ABCC4: variants seen among roughly 807,000 people sequenced by gnomAD.
The protein encoded by ABCC4 is ATP-binding cassette sub-family C member 4.
Under a neutral mutation model 168.5 loss-of-function variants are expected in ABCC4, and 102 were observed. That is an observed-to-expected ratio of 0.61 (90% CI 0.52 to 0.71). The LOEUF (loss-of-function observed/expected upper bound fraction) is 0.71. Among genes scored for constraint, ABCC4 ranks in the 30% least tolerant of loss-of-function variants. ABCC4 has a pLI of 0.00. For missense variants in ABCC4, 1,402 were observed against 1,605.8 expected, an observed-to-expected ratio of 0.87 and a Z score of 2.17; for synonymous variants, 617 against 590.7, an observed-to-expected ratio of 1.04 and a Z score of -0.65.
chr13:95,284,630 G>T (rs2041214748), intron 1 of ABCC4, among the ~76,000 whole-genome samples: 1 of 152,168 alleles, frequency 6.6e-6, no homozygotes, highest in African/African-American at 2.4e-5. Context: ...CCCTGTGCTT[G>T]GCAAACAGCA....
chr13:95,115,905 A>C lies in ABCC4; in HGVS notation c.2535+17T>G. Reference sequence around the variant, plus strand: ...TCCGTTTTCCATTTGAGATCCTGACATTACTCTCAACGTTACCTGGATGAA... The same window carrying C: ...TCCGTTTTCCATTTGAGATCCTGACCTTACTCTCAACGTTACCTGGATGAA... On this transcript the variant is annotated intron_variant, in intron 20 of 30. Coordinates refer to ENST00000645237, the MANE Select transcript of ABCC4 (RefSeq NM_005845.5). The C allele has an allele frequency of 6.2e-7, 1 of 1,601,832 alleles. No homozygotes were observed. Among genetic ancestry groups the C allele is most frequent in the Non-Finnish European group, 8.5e-7 (1 of 1,172,592 alleles).
In ABCC4 at chr13:95,159,093, TTATATATATATATATATATATATA is replaced by T. The variant is rs554884258; in HGVS notation, c.2455+2072_2455+2095del. Reference sequence around the variant, plus strand: ...ATGAGACCTTATTTCTAAATAAATTTTATATATATATATATATATATATATATATATATATATATAACTATTGAA... The same window carrying T: ...ATGAGACCTTATTTCTAAATAAATTTTATATATATATATATAACTATTGAA... On this transcript the variant is annotated intron_variant, in intron 19 of 30. Transcript: ENST00000645237. Among the ~76,000 whole-genome samples, 39 of 61,030 alleles carry T rather than the reference TTATATATATATATATATATATATA, an allele frequency of 6.4e-4. 2 individuals are homozygous for T. The highest frequency in any genetic ancestry group is 2.2e-3 in the Admixed American group (9 of 4,044). The allele number at this position is 61,030 out of a possible 152,430, so 40.0% of individuals were successfully genotyped here. A position where few individuals can be genotyped will look rare whatever the true frequency, so the allele number is the denominator to read the frequency against.
At chr13:95,035,085 T>C (rs961824561) in intron 29 of ABCC4, among the ~76,000 whole-genome samples, 55 of 152,196 alleles carry the variant, frequency 3.6e-4, no homozygotes, top group Non-Finnish European at 7.8e-4. Context: ...GAGGGGTATT[T>C]ATACATATGA....
At chr13:95,213,300 G>A (rs977623759) in intron 4 of ABCC4, among the ~76,000 whole-genome samples, 15 of 152,178 alleles carry the variant, frequency 9.9e-5, no homozygotes, top group African/African-American at 2.4e-4. Flanking sequence ...CTCAAGAGAC[G>A]GGAAATGTAG....
intron 19 of ABCC4, among the ~76,000 whole-genome samples, chr13:95,153,882 C>T (rs2036770703): frequency 6.6e-6 from 1 of 152,180 alleles, no homozygotes; most frequent in African/African-American, 2.4e-5. Context: ...AAACTCCTAA[C>T]AAAGGCTTTT....
chr13:95,029,076 G>A (rs191458655), intron 30 of ABCC4, among the ~76,000 whole-genome samples: 1,939 of 151,560 alleles, frequency 0.013, 42 homozygotes, highest in African/African-American at 0.044. Flanking sequence ...GCTGAGGCAG[G>A]AGAATCACTT....
At chr13:95,109,514 T>C (rs1425596569) in intron 20 of ABCC4, among the ~76,000 whole-genome samples, 1 of 152,216 alleles carries the variant, frequency 6.6e-6, no homozygotes, top group Non-Finnish European at 1.5e-5. Context: ...GCTCTTTGTA[T>C]GTCCTTTGTA....
chr13:95,088,364 C>CA (rs1238797957), intron 20 of ABCC4, among the ~76,000 whole-genome samples: 1 of 152,160 alleles, frequency 6.6e-6, no homozygotes, highest in East Asian at 1.9e-4. Context: ...TAAAAATCGA[C>CA]AGAGAAAATT....
At chr13:95,190,351 T>C (rs1594267106) in intron 9 of ABCC4, among the ~76,000 whole-genome samples, 1 of 152,166 alleles carries the variant, frequency 6.6e-6, no homozygotes, top group Non-Finnish European at 1.5e-5. Context: ...AAAAATGTTA[T>C]TTTGCAGTTT....
intron 12 of ABCC4, 88 bp downstream of exon 12, chr13:95,177,909 C>T (rs913911916): frequency 3.7e-5 from 55 of 1,496,566 alleles, no homozygotes; most frequent in Non-Finnish European, 5.0e-5. Flanking sequence ...ACACAGGACG[C>T]AATACACAGT....
chr13:95,043,408 T>G (rs1213230158), intron 29 of ABCC4: 1 of 382,710 alleles, frequency 2.6e-6, no homozygotes, highest in Non-Finnish European at 4.7e-6. Flanking sequence ...GTATGACAGT[T>G]AGCATCACAA....
chr13:95,142,471 A>G (rs1171223257), intron 19 of ABCC4, among the ~76,000 whole-genome samples: 1 of 152,172 alleles, frequency 6.6e-6, no homozygotes, highest in Non-Finnish European at 1.5e-5. Context: ...GACTACAAAT[A>G]TGGTGCAGTG....
At chr13:95,279,985 T>G (rs1446405774) in intron 1 of ABCC4, among the ~76,000 whole-genome samples, 1 of 152,046 alleles carries the variant, frequency 6.6e-6, no homozygotes, top group Non-Finnish European at 1.5e-5. Flanking sequence ...AATGCCAAGG[T>G]TTGTGCTCAC....
rs372180166 is a variant in ABCC4 at position 95,125,968 on chromosome 13, C to T, written c.2456-9967G>A. ...AATCTCTAGGACGACTGCTCTCAAA[C>T]ACTGCATGGCCAATGAATGCCACAG... is the stretch of plus-strand genomic sequence containing the variant. On this transcript the variant is annotated intron_variant, in intron 19 of 30. Coordinates refer to ENST00000645237, the MANE Select transcript of ABCC4 (RefSeq NM_005845.5). Among the ~76,000 whole-genome samples the T allele has an allele frequency of 9.2e-5, 14 of 152,316 alleles. No homozygotes were observed. The East Asian group carries it at 1.2e-3, about 13-fold the overall frequency.
chr13:95,073,452 T>C (rs2033797920), intron 23 of ABCC4, 148 bp from the exon 24 acceptor site: 2 of 490,672 alleles, frequency 4.1e-6, no homozygotes, highest in South Asian at 1.1e-4. Context: ...CATTTGTTGC[T>C]TGAGATCAAG....
chr13:95,178,169 G>T lies in ABCC4; in HGVS notation c.1546-78C>A, dbSNP rs539836691. 1.6e-5 allele frequency: 21 copies of T among 1,348,546 alleles called. No homozygotes were observed. In the South Asian group the frequency reaches 2.3e-4, roughly 15 times the overall value. The allele number at this position is 1,348,546 out of a possible 1,614,324, so 83.5% of individuals were successfully genotyped here. On this transcript the variant is annotated intron_variant, in intron 11 of 30. Transcript: ENST00000645237. The stretch of plus-strand genomic sequence containing the variant: ...CCTCTGTTCTTTGTGTTCTTCCAAA[G>T]TTATCCTAAACTTTGCACATTAGTT...
intron 14 of ABCC4, among the ~76,000 whole-genome samples, chr13:95,169,714 T>C (rs921430996): frequency 2.0e-5 from 3 of 152,324 alleles, no homozygotes; most frequent in African/African-American, 7.2e-5. Flanking sequence ...TTGTCTTACT[T>C]ATAGCTATAC....
intron 8 of ABCC4, among the ~76,000 whole-genome samples, chr13:95,197,856 T>G (rs2038504647): frequency 6.6e-6 from 1 of 152,164 alleles, no homozygotes; most frequent in African/African-American, 2.4e-5. Flanking sequence ...ATCCTTTCCT[T>G]AATAAAAGAA....
Position 95,140,905 on chromosome 13 carries a change from T to G in ABCC4, c.2455+20284A>C, listed in dbSNP as rs528571009. ...ATATTGCACAAGCTTTTCATGCCTA[T>G]TATGGGAAAATCAGGCTTCTGCACG... On this transcript the variant is annotated intron_variant, in intron 19 of 30. Coordinates refer to ENST00000645237, the MANE Select transcript of ABCC4 (RefSeq NM_005845.5). Among the ~76,000 whole-genome samples, 3 of 152,328 alleles carry G rather than the reference T, an allele frequency of 2.0e-5. No homozygotes were observed. In the East Asian group the frequency reaches 5.8e-4, roughly 29 times the overall value.
Sources: allele counts gnomAD v4.1 joint callset (sites outside exome capture counted in the v4.1 genomes callset), GRCh38; gene constraint gnomAD v4.1.1; transcripts MANE v1.5; gene names NCBI Gene and HGNC (gene_info 2026-07-23, HGNC 2026-07-21).